SLAIN1: variants seen among roughly 807,000 people sequenced by gnomAD.
The protein encoded by SLAIN1 is SLAIN motif-containing protein 1.
Under a neutral mutation model 55.4 loss-of-function variants are expected in SLAIN1, and 17 were observed. The ratio of observed to expected loss-of-function variants is 0.31; its 90% CI spans 0.21 to 0.46. SLAIN1 has a LOEUF of 0.46. Among genes scored for constraint, SLAIN1 ranks in the 20% least tolerant of loss-of-function variants. The pLI is 1.00. For missense variants in SLAIN1, 682 were observed against 785.1 expected, an observed-to-expected ratio of 0.87 and a Z score of 1.57; for synonymous variants, 348 against 337.4, an observed-to-expected ratio of 1.03 and a Z score of -0.35.
At chr13:77,719,494 C>T in intron 1 of SLAIN1, 38 bp from the exon 2 acceptor site, 1 of 1,519,032 alleles carries the variant, frequency 6.6e-7, no homozygotes, top group Non-Finnish European at 9.0e-7. Flanking sequence ...TCTCTGTATA[C>T]CTATATCATA....
chr13:77,714,448 C>CA (rs1339066187), intron 1 of SLAIN1, among the ~76,000 whole-genome samples: 3 of 152,008 alleles, frequency 2.0e-5, no homozygotes, highest in African/African-American at 2.4e-5. Flanking sequence ...CACATCTCTA[C>CA]AAAAAAACTT....
At chr13:77,703,560 GA>G (rs1358220717) in intron 1 of SLAIN1, among the ~76,000 whole-genome samples, 1 of 152,062 alleles carries the variant, frequency 6.6e-6, no homozygotes, top group African/African-American at 2.4e-5. Flanking sequence ...GTGAGGTGCT[GA>G]AGTAGTTTAC....
rs1434628002 is a variant in SLAIN1, at chr13:77,753,378, A to G, written c.1414+20A>G. 1 of 1,247,902 alleles carries G rather than the reference A, an allele frequency of 8.0e-7. No individual in the cohort carries two copies. Among genetic ancestry groups the G allele is most frequent in the Admixed American group, 3.1e-5 (1 of 32,272 alleles). 77.3% of individuals were successfully genotyped at this position (1,247,902 alleles called of 1,614,324 possible). ...CTTGTAGTGAGTATAATTATTTGATATAATTATATATTGTATAATTGTATA... is the reference window on the plus strand; with the variant it reads ...CTTGTAGTGAGTATAATTATTTGATGTAATTATATATTGTATAATTGTATA... On this transcript the variant is annotated intron_variant, in intron 5 of 6. Coordinates refer to ENST00000418532, the MANE Select transcript of SLAIN1 (RefSeq NM_001242868.2).
chr13:77,722,951 T>C (rs1383704203), intron 2 of SLAIN1, among the ~76,000 whole-genome samples: 1 of 152,218 alleles, frequency 6.6e-6, no homozygotes, highest in East Asian at 1.9e-4. Context: ...TTTCACCATG[T>C]TGGCCAGGCT....
intron 2 of SLAIN1, among the ~76,000 whole-genome samples, chr13:77,738,998 G>A (rs1041830360): frequency 3.9e-5 from 6 of 152,056 alleles, no homozygotes; most frequent in African/African-American, 1.4e-4. Flanking sequence ...ACTGTGCGAT[G>A]CAGTGCTGTA....
chr13:77,722,920 T>C (rs892889737), intron 2 of SLAIN1, among the ~76,000 whole-genome samples: 1 of 152,126 alleles, frequency 6.6e-6, no homozygotes, highest in African/African-American at 2.4e-5. Context: ...CTAATTTTTG[T>C]ATTTTTTAAT....
At chr13:77,749,342 T>A (rs17068254) in intron 4 of SLAIN1, among the ~76,000 whole-genome samples, 14,225 of 152,186 alleles carry the variant, frequency 0.093, 1,213 homozygotes, top group East Asian at 0.47. Flanking sequence ...TTGCTAAATA[T>A]CAAAATGACT....
intron 2 of SLAIN1, among the ~76,000 whole-genome samples, chr13:77,726,518 C>T (rs2154409872): frequency 6.6e-6 from 1 of 152,160 alleles, no homozygotes; most frequent in Middle Eastern, 3.4e-3. Context: ...CCTTGACCTC[C>T]CTGGGCTCAG....
In SLAIN1 at chr13:77,764,033, G is replaced by A. The variant is rs936143068; in HGVS notation, c.*813G>A. The A allele has an allele frequency of 6.6e-6, 1 of 152,508 alleles. No homozygotes were observed. The highest frequency in any genetic ancestry group is 1.5e-5 in the Non-Finnish European group (1 of 67,996). The allele number at this position is 152,508 out of a possible 1,614,324, so 9.4% of individuals were successfully genotyped here. A position where few individuals can be genotyped will look rare whatever the true frequency, so the allele number is the denominator to read the frequency against. ...CAATTGATTTTCAATACTTTATTAC[G>A]AAGGATGAAACTGTAATGTTTTATT... On this transcript the variant is annotated 3_prime_UTR_variant, in exon 7 of 7. Transcript: ENST00000418532.
chr13:77,741,678 T>C (rs1300023447), intron 2 of SLAIN1: 3 of 150,104 alleles, frequency 2.0e-5, no homozygotes, highest in African/African-American at 7.4e-5. Context: ...GTAAACTTGG[T>C]GTTTTGCAAG....
At chr13:77,728,203 G>T (rs994482349) in intron 2 of SLAIN1, among the ~76,000 whole-genome samples, 3 of 152,066 alleles carry the variant, frequency 2.0e-5, no homozygotes, top group Non-Finnish European at 4.4e-5. Flanking sequence ...TAACAAAACT[G>T]CATAGAACTT....
chr13:77,744,349 A>T lies in SLAIN1; in HGVS notation c.833A>T (p.Glu278Val). 6.2e-7 allele frequency: 1 copy of T among 1,612,930 alleles called. No individual in the cohort carries two copies. Among genetic ancestry groups the T allele is most frequent in the Non-Finnish European group, 8.5e-7 (1 of 1,179,278 alleles). Residue 278 changes from glutamate (E) to valine (V), a missense_variant, in exon 3 of 7, where the codon GAA (glutamate) becomes GTA (valine). Physicochemically the swap from Glu to Val is moderately radical, Grantham distance 121 (BLOSUM62 -2). Transcript: ENST00000418532. The stretch of plus-strand genomic sequence containing the variant: ...ATCGACAGTGAGCTGAGTACTTCAG[A>T]ATTGGAGGATGATTCTATCTCCATG... Reference protein sequence around the residue: ...SSIDSELSTSELEDDSISMGY... With the variant: ...SSIDSELSTSVLEDDSISMGY...
chr13:77,717,901 G>T (rs2091223532), intron 1 of SLAIN1, among the ~76,000 whole-genome samples: 1 of 152,068 alleles, frequency 6.6e-6, no homozygotes, highest in African/African-American at 2.4e-5. Context: ...AACTAGCCTG[G>T]ACTAACCTAT....
In SLAIN1 at chr13:77,753,372, T is replaced by C. The variant is rs760854733; in HGVS notation, c.1414+14T>C. 11 of 1,389,540 alleles carry C rather than the reference T, an allele frequency of 7.9e-6. No individual in the cohort carries two copies. In the South Asian group the frequency reaches 1.6e-4, roughly 20 times the overall value. The allele number at this position is 1,389,540 out of a possible 1,614,324, so 86.1% of individuals were successfully genotyped here. ...TACAATCTTGTAGTGAGTATAATTA[T>C]TTGATATAATTATATATTGTATAAT... On this transcript the variant is annotated intron_variant, in intron 5 of 6. Coordinates refer to ENST00000418532, the MANE Select transcript of SLAIN1 (RefSeq NM_001242868.2).
chr13:77,738,675 T>C (rs776652263), intron 2 of SLAIN1, among the ~76,000 whole-genome samples: 18 of 152,052 alleles, frequency 1.2e-4, no homozygotes, highest in Non-Finnish European at 2.1e-4. Context: ...TGAGAAGATA[T>C]GGACACAGGG....
intron 1 of SLAIN1, among the ~76,000 whole-genome samples, chr13:77,709,448 A>G (rs2091124161): frequency 6.6e-6 from 1 of 152,170 alleles, no homozygotes; most frequent in African/African-American, 2.4e-5. Context: ...CAACTCCAAG[A>G]CACAAAATTG....
At chr13:77,708,233 C>G (rs2154409381) in intron 1 of SLAIN1, among the ~76,000 whole-genome samples, 1 of 152,256 alleles carries the variant, frequency 6.6e-6, no homozygotes, top group East Asian at 1.9e-4. Context: ...TAATTGAAGA[C>G]ACCTTACTGT....
At chr13:77,729,819 G>C (rs182993404) in intron 2 of SLAIN1, among the ~76,000 whole-genome samples, 19 of 152,232 alleles carry the variant, frequency 1.2e-4, no homozygotes, top group African/African-American at 4.1e-4. Context: ...GCCTGACCCA[G>C]GGGTATGATC....
intron 2 of SLAIN1, among the ~76,000 whole-genome samples, chr13:77,738,701 G>C (rs1463779358): frequency 2.0e-5 from 3 of 152,026 alleles, no homozygotes; most frequent in Admixed American, 2.0e-4. Context: ...TTGTTTTCTA[G>C]AATAACTTCT....
Sources: allele counts gnomAD v4.1 joint callset (sites outside exome capture counted in the v4.1 genomes callset), GRCh38; gene constraint gnomAD v4.1.1; transcripts MANE v1.5; gene names NCBI Gene and HGNC (gene_info 2026-07-23, HGNC 2026-07-21).